The following TMEM65 variants were observed in gnomAD, a reference collection of about 807,000 sequenced individuals.
TMEM65 encodes transmembrane protein 65.
Under a neutral mutation model 25.4 loss-of-function variants are expected in TMEM65, and 22 were observed. That is an observed-to-expected ratio of 0.86 (90% CI 0.62 to 1.23). The LOEUF is 1.23. Ranked by LOEUF, TMEM65 falls within the 50% of genes most tolerant of loss-of-function variation. The probability of loss-of-function intolerance (pLI) is 0.00; values close to 1 mark genes in which losing one functional copy is unlikely to be tolerated. For missense variants in TMEM65, 262 were observed against 308.2 expected, an observed-to-expected ratio of 0.85 and a Z score of 1.12; for synonymous variants, 132 against 126.2, an observed-to-expected ratio of 1.05 and a Z score of -0.31.
intron 1 of TMEM65, among the ~76,000 whole-genome samples, chr8:124,364,623 T>C (rs1216926365): frequency 6.6e-6 from 1 of 152,226 alleles, no homozygotes; most frequent in Non-Finnish European, 1.5e-5. Flanking sequence ...AAATATTTTA[T>C]CATCAAAAGC....
At chr8:124,317,710 G>C (rs1814255318) in intron 6 of TMEM65, among the ~76,000 whole-genome samples, 1 of 152,110 alleles carries the variant, frequency 6.6e-6, no homozygotes, top group South Asian at 2.1e-4. Flanking sequence ...AACTTGCTTT[G>C]AGTAATAGGA....
intron 1 of TMEM65, among the ~76,000 whole-genome samples, chr8:124,353,860 T>G (rs572083947): frequency 1.1e-4 from 16 of 152,302 alleles, no homozygotes; most frequent in Admixed American, 1.3e-4. Context: ...GAATGGGATA[T>G]TTCATAGACT....
rs936515808 is a variant in TMEM65, at chr8:124,306,436, C to A, written c.*7524G>T. On this transcript the variant is annotated 3_prime_UTR_variant, in exon 7 of 7. Transcript: ENST00000297632. ...AAGTCATAAAGTTGATTCTCAAACA[C>A]GGGTTTGAACTGCATAGGACCGCTT... 2.6e-5 allele frequency: 4 copies of A among 152,024 alleles called. No homozygotes were observed. Among genetic ancestry groups the A allele is most frequent in the African/African-American group, 9.7e-5 (4 of 41,376 alleles). 9.4% of individuals were successfully genotyped at this position (152,024 alleles called of 1,614,324 possible). A position where few individuals can be genotyped will look rare whatever the true frequency, so the allele number is the denominator to read the frequency against.
chr8:124,335,379 T>C (rs994272551), intron 1 of TMEM65, among the ~76,000 whole-genome samples: 3 of 152,114 alleles, frequency 2.0e-5, no homozygotes, highest in South Asian at 4.1e-4. Flanking sequence ...TGAAGGGAAA[T>C]AGCAGTTGAA....
At chr8:124,371,805 G>A (rs1215263956) in intron 1 of TMEM65, 49 bp downstream of exon 1, 1 of 1,476,958 alleles carries the variant, frequency 6.8e-7, no homozygotes, top group African/African-American at 1.5e-5. Flanking sequence ...CTGGCGAGAA[G>A]AGGAGGGCGT....
intron 3 of TMEM65, among the ~76,000 whole-genome samples, chr8:124,326,082 A>G (rs1248313288): frequency 6.6e-6 from 1 of 152,062 alleles, no homozygotes; most frequent in Non-Finnish European, 1.5e-5. Flanking sequence ...AAATGTTTTT[A>G]AAAGTTAGAG....
intron 1 of TMEM65, among the ~76,000 whole-genome samples, chr8:124,366,217 G>A (rs142638120): frequency 1.4e-3 from 211 of 152,324 alleles, no homozygotes; most frequent in African/African-American, 4.3e-3. Flanking sequence ...ACGAGACTCC[G>A]TCTCAAAAAA....
intron 4 of TMEM65, among the ~76,000 whole-genome samples, chr8:124,322,565 C>T (rs1814316628): frequency 6.6e-6 from 1 of 151,854 alleles, no homozygotes; most frequent in Admixed American, 6.6e-5. Flanking sequence ...AGAACTCTTC[C>T]CAAATTTTAC....
intron 1 of TMEM65, among the ~76,000 whole-genome samples, chr8:124,332,405 T>C (rs1294401662): frequency 1.3e-5 from 2 of 152,196 alleles, no homozygotes; most frequent in African/African-American, 4.8e-5. Flanking sequence ...TGAGAGTATA[T>C]GGAGTCCTTG....
At chr8:124,363,768 C>T (rs71516736) in intron 1 of TMEM65, among the ~76,000 whole-genome samples, 3 of 125,952 alleles carry the variant, frequency 2.4e-5, no homozygotes, top group Non-Finnish European at 4.8e-5. Flanking sequence ...ACCCGGGAGG[C>T]GGAGCTTGCA....
At chr8:124,337,252 A>G (rs1192820150) in intron 1 of TMEM65, among the ~76,000 whole-genome samples, 1 of 151,960 alleles carries the variant, frequency 6.6e-6, no homozygotes, top group African/African-American at 2.4e-5. Flanking sequence ...CTTCCAAAAA[A>G]TAGATGAGGA....
At chr8:124,365,653 T>G (rs1272423175) in intron 1 of TMEM65, among the ~76,000 whole-genome samples, 1 of 151,852 alleles carries the variant, frequency 6.6e-6, no homozygotes, top group African/African-American at 2.4e-5. Context: ...ATTATCCAGG[T>G]AAAACCTAAA....
Position 124,327,228 on chromosome 8 carries a change from T to G in TMEM65, c.417+126A>C, listed in dbSNP as rs114043047. The G allele has an allele frequency of 1.3e-4, 82 of 653,302 alleles. 1 individual carries two copies. In the African/African-American group the frequency reaches 1.5e-3, roughly 12 times the overall value. 40.5% of individuals were successfully genotyped at this position (653,302 alleles called of 1,614,324 possible). ...TAAAATTGAGCTATAGTCTGAGATA[T>G]AGTAAAAAATATCCTTGTTCATTAT... On this transcript the variant is annotated intron_variant, in intron 3 of 6. Coordinates refer to ENST00000297632, the MANE Select transcript of TMEM65 (RefSeq NM_194291.3).
chr8:124,313,922 A>G lies in TMEM65; in HGVS notation c.*38T>C. The G allele has an allele frequency of 7.4e-7, 1 of 1,345,004 alleles. No homozygotes were observed. The highest frequency in any genetic ancestry group is 2.3e-5 in the East Asian group (1 of 42,614). The allele number at this position is 1,345,004 out of a possible 1,614,324, so 83.3% of individuals were successfully genotyped here. A position where few individuals can be genotyped will look rare whatever the true frequency, so the allele number is the denominator to read the frequency against. On this transcript the variant is annotated 3_prime_UTR_variant, in exon 7 of 7. Transcript: ENST00000297632. ...TGACAGCATATTTAATTACTGAGGT[A>G]CATTAGTTTACATCTTTTTATAGGT... is the stretch of plus-strand genomic sequence containing the variant.
chr8:124,318,294 A>T (rs1282946985), intron 6 of TMEM65, among the ~76,000 whole-genome samples: 1 of 146,790 alleles, frequency 6.8e-6, no homozygotes, highest in Non-Finnish European at 1.5e-5. Flanking sequence ...CATTTAAGCT[A>T]TTCCTGATCT....
intron 1 of TMEM65, among the ~76,000 whole-genome samples, chr8:124,357,054 A>G (rs1029483428): frequency 2.1e-4 from 9 of 42,376 alleles, no homozygotes; most frequent in African/African-American, 1.2e-3. Context: ...AGCTTCTAGG[A>G]TATCTTTTTT....
At chr8:124,370,575 G>A (rs1371061126) in intron 1 of TMEM65, among the ~76,000 whole-genome samples, 1 of 152,140 alleles carries the variant, frequency 6.6e-6, no homozygotes, top group Non-Finnish European at 1.5e-5. Context: ...AAAGCACTGT[G>A]GGTAAACAAT....
intron 1 of TMEM65, among the ~76,000 whole-genome samples, chr8:124,355,986 A>C (rs543406699): frequency 2.6e-5 from 4 of 152,276 alleles, no homozygotes; most frequent in African/African-American, 9.6e-5. Context: ...CACAAAAAAG[A>C]CAAGAAAGCC....
intron 1 of TMEM65, among the ~76,000 whole-genome samples, chr8:124,349,842 G>C (rs1814683539): frequency 6.6e-6 from 1 of 151,904 alleles, no homozygotes; most frequent in African/African-American, 2.4e-5. Flanking sequence ...ATCTCCTAGT[G>C]ATATTGTGTG....
Sources: gnomAD v4.1 joint callset for allele counts (sites outside exome capture counted in the v4.1 genomes callset) on GRCh38, gnomAD v4.1.1 for gene constraint, MANE v1.5 for transcripts, NCBI Gene and HGNC (gene_info 2026-07-23, HGNC 2026-07-21) for gene names.